The following ERP44 variants were observed in gnomAD, a reference collection of about 807,000 sequenced individuals.
ERP44 encodes the protein endoplasmic reticulum resident protein 44.
Under a neutral mutation model 53.4 loss-of-function variants are expected in ERP44, and 25 were observed. The observed-to-expected ratio is 0.47, with a 90% CI of 0.34 to 0.65. The LOEUF is 0.65. Among genes scored for constraint, ERP44 ranks in the 30% least tolerant of loss-of-function variants. The pLI is 0.01. For synonymous variants in ERP44, 145 were observed against 161.2 expected (o/e 0.90, Z 0.76); for missense variants, 338 against 493.2 (o/e 0.69, Z 2.98).
intron 4 of ERP44, among the ~76,000 whole-genome samples, chr9:100,038,119 T>C (rs1376364224): frequency 6.6e-6 from 1 of 152,070 alleles, no homozygotes; most frequent in Non-Finnish European, 1.5e-5. Context: ...CGTGAGTATA[T>C]TAATGAGAAA....
At chr9:100,046,919 A>G (rs572610665) in intron 4 of ERP44, among the ~76,000 whole-genome samples, 6 of 152,338 alleles carry the variant, frequency 3.9e-5, no homozygotes, top group African/African-American at 1.4e-4. Flanking sequence ...ATAAGCACAA[A>G]CAGATCAACA....
chr9:99,993,014 G>A (rs1217062851), intron 10 of ERP44, among the ~76,000 whole-genome samples: 1 of 152,118 alleles, frequency 6.6e-6, no homozygotes, highest in Non-Finnish European at 1.5e-5. Flanking sequence ...AATTAAAAGA[G>A]GACGCAAACA....
At chr9:100,064,909 T>G (rs1826192847) in intron 1 of ERP44, among the ~76,000 whole-genome samples, 1 of 152,250 alleles carries the variant, frequency 6.6e-6, no homozygotes, top group Non-Finnish European at 1.5e-5. Flanking sequence ...AACGTGTTGG[T>G]ATTTTAACCT....
intron 4 of ERP44, among the ~76,000 whole-genome samples, chr9:100,024,748 A>G (rs914029473): frequency 9.2e-5 from 14 of 152,214 alleles, no homozygotes; most frequent in Admixed American, 7.2e-4. Flanking sequence ...GCATAAGGAA[A>G]ACATATATAA....
At chr9:100,055,362 GTTTT>G (rs1339096029) in intron 3 of ERP44, among the ~76,000 whole-genome samples, 4 of 151,926 alleles carry the variant, frequency 2.6e-5, no homozygotes, top group African/African-American at 4.8e-5. Flanking sequence ...CCTGATGTGT[GTTTT>G]TTTTGTTTGT....
At chr9:100,097,759 T>C (rs1336156139) in intron 1 of ERP44, among the ~76,000 whole-genome samples, 2 of 152,234 alleles carry the variant, frequency 1.3e-5, no homozygotes, top group African/African-American at 4.8e-5. Flanking sequence ...TAATGGGATA[T>C]GGCGGAATAA....
At chr9:100,057,883 A>G (rs375791590) in intron 2 of ERP44, 24 bp from the exon 3 acceptor site, 19 of 1,532,504 alleles carry the variant, frequency 1.2e-5, no homozygotes, top group South Asian at 3.5e-5. Context: ...ACAAAACCAA[A>G]TAAGATATTT....
chr9:100,023,084 CAAT>C (rs1830611823), intron 4 of ERP44, among the ~76,000 whole-genome samples: 2 of 152,064 alleles, frequency 1.3e-5, no homozygotes, highest in South Asian at 4.1e-4. Context: ...TTAACATAGA[CAAT>C]AATCTGTCTG....
At chr9:100,030,774 C>T (rs1228967573) in intron 4 of ERP44, among the ~76,000 whole-genome samples, 1 of 152,146 alleles carries the variant, frequency 6.6e-6, no homozygotes, top group Non-Finnish European at 1.5e-5. Context: ...TGTTGGAAAA[C>T]CCCTTTGCAA....
At chr9:100,095,796 G>A (rs183709787) in intron 1 of ERP44, among the ~76,000 whole-genome samples, 7 of 152,116 alleles carry the variant, frequency 4.6e-5, no homozygotes, top group African/African-American at 1.7e-4. Context: ...CAAACTGCAT[G>A]CCTCCAAAAG....
chr9:100,068,515 G>T (rs1311403230), intron 1 of ERP44, among the ~76,000 whole-genome samples: 3 of 134,352 alleles, frequency 2.2e-5, no homozygotes, highest in Non-Finnish European at 4.8e-5. Flanking sequence ...GTCCGGGAGG[G>T]AGGTGGGGGT....
chr9:100,086,038 G>A (rs900726992), intron 1 of ERP44, among the ~76,000 whole-genome samples: 1 of 152,086 alleles, frequency 6.6e-6, no homozygotes, highest in Non-Finnish European at 1.5e-5. Context: ...CTAAAGATTT[G>A]TCATCATTTT....
intron 9 of ERP44, 62 bp from the exon 10 acceptor site, chr9:100,006,709 T>C: frequency 1.6e-6 from 2 of 1,221,478 alleles, no homozygotes; most frequent in Non-Finnish European, 2.3e-6. Flanking sequence ...TTTTGTAAGA[T>C]TGCAAGCTCA....
intron 1 of ERP44, 127 bp from the exon 2 acceptor site, chr9:100,060,299 T>C (rs1037093695): frequency 9.7e-7 from 1 of 1,030,340 alleles, no homozygotes; most frequent in African/African-American, 1.7e-5. Context: ...TTGAATTGAA[T>C]CTTTATTATC....
chr9:100,058,382 G>A (rs1365705063), intron 2 of ERP44, among the ~76,000 whole-genome samples: 5 of 152,076 alleles, frequency 3.3e-5, no homozygotes, highest in East Asian at 1.9e-4. Flanking sequence ...GGCTTCCTTC[G>A]TTGCATCTTA....
intron 3 of ERP44, among the ~76,000 whole-genome samples, chr9:100,057,570 G>A (rs1826098756): frequency 6.6e-6 from 1 of 152,142 alleles, no homozygotes; most frequent in South Asian, 2.1e-4. Context: ...AGTCGGGGGT[G>A]GAGAGAGTCA....
intron 4 of ERP44, among the ~76,000 whole-genome samples, chr9:100,026,390 AAGAC>A (rs902730649): frequency 5.3e-5 from 8 of 152,330 alleles, no homozygotes; most frequent in Admixed American, 6.5e-5. Flanking sequence ...ACGAATTTTT[AAGAC>A]AGACAGGAAG....
intron 8 of ERP44, among the ~76,000 whole-genome samples, chr9:100,008,739 T>G (rs988593801): frequency 6.6e-6 from 1 of 152,202 alleles, no homozygotes; most frequent in Admixed American, 6.5e-5. Context: ...TTTAAAAAAC[T>G]GAGATACAAT....
At chr9:99,999,453 T>C (rs1264209922) in intron 10 of ERP44, among the ~76,000 whole-genome samples, 2 of 152,206 alleles carry the variant, frequency 1.3e-5, no homozygotes, top group Non-Finnish European at 2.9e-5. Flanking sequence ...TTGAGCACTT[T>C]TTCATATACC....
Sources: allele counts gnomAD v4.1 joint callset (sites outside exome capture counted in the v4.1 genomes callset), GRCh38; gene constraint gnomAD v4.1.1; transcripts MANE v1.5; gene names NCBI Gene and HGNC (gene_info 2026-07-23, HGNC 2026-07-21).